Variants in CDH7 observed in about 807,000 individuals in gnomAD.
CDH7 encodes cadherin 7.
A neutral mutation model predicts 71.8 loss-of-function variants in CDH7; 25 were observed. The observed-to-expected ratio is 0.35, with a 90% CI of 0.25 to 0.49. The LOEUF is 0.49. Among genes scored for constraint, CDH7 ranks in the 20% least tolerant of loss-of-function variants. The pLI, the probability that CDH7 is intolerant of heterozygous loss-of-function variation, is 0.99. For synonymous variants in CDH7, 381 were observed against 363.8 expected, an observed-to-expected ratio of 1.05 and a Z score of -0.54; for missense variants, 862 against 974.6, an observed-to-expected ratio of 0.88 and a Z score of 1.54.
chr18:65,807,877 A>G (rs932020623), intron 2 of CDH7, among the ~76,000 whole-genome samples: 3 of 152,182 alleles, frequency 2.0e-5, no homozygotes, highest in Non-Finnish European at 4.4e-5. Context: ...GGTTGGTTGC[A>G]TAGTCCCTTC....
At chr18:65,780,855 A>C (rs370909998) in intron 2 of CDH7, among the ~76,000 whole-genome samples, 275 of 151,302 alleles carry the variant, frequency 1.8e-3, no homozygotes, top group African/African-American at 6.3e-3. Context: ...TGCCCACTGC[A>C]GAGATAGAAT....
At chr18:65,751,698 TA>T (rs1284553448) in intron 1 of CDH7, among the ~76,000 whole-genome samples, 1 of 152,168 alleles carries the variant, frequency 6.6e-6, no homozygotes, top group Non-Finnish European at 1.5e-5. Context: ...TTTTCCCCTG[TA>T]ATTAGTATTC....
At chr18:65,844,796 A>C (rs1360777250) in intron 7 of CDH7, among the ~76,000 whole-genome samples, 4 of 152,122 alleles carry the variant, frequency 2.6e-5, no homozygotes, top group Non-Finnish European at 5.9e-5. Flanking sequence ...CATTATAAAT[A>C]GAATATACTT....
chr18:65,874,374 A>T (rs1437871834), intron 11 of CDH7, among the ~76,000 whole-genome samples: 1 of 152,008 alleles, frequency 6.6e-6, no homozygotes, highest in Admixed American at 6.6e-5. Context: ...TAAATATGTT[A>T]AAAAAAATTA....
intron 2 of CDH7, among the ~76,000 whole-genome samples, chr18:65,800,255 A>G (rs763270710): frequency 2.6e-4 from 39 of 151,636 alleles, no homozygotes; most frequent in Non-Finnish European, 4.0e-4. Context: ...TATTTTTTGT[A>G]TTTTTAATAG....
chr18:65,880,707 C>T lies in CDH7; in HGVS notation c.2171C>T (p.Ala724Val), dbSNP rs1914201998. 1.2e-6 allele frequency: 2 copies of T among 1,614,020 alleles called. No homozygotes were observed. The highest frequency in any genetic ancestry group is 2.2e-5 in the East Asian group (1 of 44,866). ...AAAGAAGCCGATGTTGATCCTGGTG[C>T]TCCTCCTTATGACTCCCTGCAGACA... ...RLKEADVDPG[A>V]PPYDSLQTYA... The change falls in exon 12 of 12, where the codon GCT becomes GTT. Residue 724 changes from alanine (A) to valine (V), a missense_variant. Coordinates refer to ENST00000397968, the MANE Select transcript of CDH7 (RefSeq NM_004361.5).
rs970396089 is a variant in CDH7, at chr18:65,789,401, C to A, written c.211-20303C>A. Among the ~76,000 whole-genome samples, 5 of 151,840 alleles carry A rather than the reference C, an allele frequency of 3.3e-5. No homozygotes were observed. The South Asian group carries it at 6.2e-4, about 19-fold the overall frequency. Reference sequence around the variant, plus strand: ...TGATTCACATGGCCAAAGTATAGGACAAATAAAAACCAAGACAACCAGCAA... The same window carrying A: ...TGATTCACATGGCCAAAGTATAGGAAAAATAAAAACCAAGACAACCAGCAA... On this transcript the variant is annotated intron_variant, in intron 2 of 11. Transcript: ENST00000397968.
At chr18:65,851,379 T>C (rs1265897198) in intron 7 of CDH7, among the ~76,000 whole-genome samples, 1 of 152,202 alleles carries the variant, frequency 6.6e-6, no homozygotes, top group Non-Finnish European at 1.5e-5. Context: ...TTGTATTACA[T>C]TATCTTTTGC....
intron 2 of CDH7, among the ~76,000 whole-genome samples, chr18:65,797,089 G>A (rs965185135): frequency 6.6e-6 from 1 of 152,096 alleles, no homozygotes; most frequent in Non-Finnish European, 1.5e-5. Context: ...TCTCCAGGTG[G>A]TGTTAGTGGT....
At chr18:65,876,298 A>G (rs17785065) in intron 11 of CDH7, among the ~76,000 whole-genome samples, 3,552 of 152,318 alleles carry the variant, frequency 0.023, 53 homozygotes, top group Non-Finnish European at 0.036. Flanking sequence ...GGCCTGCATC[A>G]TACTTTTACT....
At chr18:65,847,031 C>CAT (rs1263270180) in intron 7 of CDH7, among the ~76,000 whole-genome samples, 5 of 151,926 alleles carry the variant, frequency 3.3e-5, no homozygotes, top group South Asian at 2.1e-4. Flanking sequence ...GTCTTGTACT[C>CAT]ACGCGTATTC....
Position 65,886,407 on chromosome 18 carries a change from ATACAGTTATT to A in CDH7, c.*5516_*5525del, listed in dbSNP as rs1308007855. 3 of 15,952 alleles carry A rather than the reference ATACAGTTATT, an allele frequency of 1.9e-4. No homozygotes were observed. The highest frequency in any genetic ancestry group is 2.0e-4 in the African/African-American group (3 of 14,988). The allele number at this position is 15,952 out of a possible 1,614,324, so 1.0% of individuals were successfully genotyped here. A position where few individuals can be genotyped will look rare whatever the true frequency, so the allele number is the denominator to read the frequency against. On this transcript the variant is annotated 3_prime_UTR_variant, in exon 12 of 12. Coordinates refer to ENST00000397968, the MANE Select transcript of CDH7 (RefSeq NM_004361.5). ...GTCATAATTAATTGAAGCCACTCAA[ATACAGTTATT>A]TATAAGATCTCAGAAGATTGCAGTT... is the stretch of plus-strand genomic sequence containing the variant.
chr18:65,869,234 T>G (rs1913854630), intron 11 of CDH7, among the ~76,000 whole-genome samples: 1 of 151,922 alleles, frequency 6.6e-6, no homozygotes, highest in Non-Finnish European at 1.5e-5. Flanking sequence ...CTTTTTTTTT[T>G]TCCTCCTGAA....
intron 7 of CDH7, among the ~76,000 whole-genome samples, chr18:65,854,835 C>G (rs1484927416): frequency 1.3e-5 from 2 of 151,564 alleles, no homozygotes; most frequent in Non-Finnish European, 2.9e-5. Context: ...TTTCCTATTG[C>G]CATTAGATAT....
intron 7 of CDH7, among the ~76,000 whole-genome samples, chr18:65,850,173 A>AAT (rs1555689070): frequency 8.9e-4 from 58 of 65,312 alleles, no homozygotes; most frequent in South Asian, 2.8e-3. Flanking sequence ...CACTATATAT[A>AAT]ATATATATAT....
intron 1 of CDH7, among the ~76,000 whole-genome samples, chr18:65,751,826 C>T (rs1311328948): frequency 6.6e-6 from 1 of 152,190 alleles, no homozygotes; most frequent in Non-Finnish European, 1.5e-5. Context: ...CATGGGTGCA[C>T]ATGGTACACT....
intron 2 of CDH7, among the ~76,000 whole-genome samples, chr18:65,784,475 A>C (rs1910440532): frequency 6.6e-6 from 1 of 152,074 alleles, no homozygotes; most frequent in South Asian, 2.1e-4. Flanking sequence ...AGAAAGGAGA[A>C]TCAGCTTCTC....
intron 6 of CDH7, among the ~76,000 whole-genome samples, chr18:65,834,966 G>A (rs1912482808): frequency 6.6e-6 from 1 of 152,082 alleles, no homozygotes; most frequent in African/African-American, 2.4e-5. Context: ...GATTTTGTGG[G>A]TCAGTAATTT....
At chr18:65,781,629 A>G (rs1035075658) in intron 2 of CDH7, among the ~76,000 whole-genome samples, 1 of 151,994 alleles carries the variant, frequency 6.6e-6, no homozygotes, top group East Asian at 1.9e-4. Context: ...TACCTTTTCC[A>G]CTTTTTTCAT....
Sources: gnomAD v4.1 joint callset for allele counts (sites outside exome capture counted in the v4.1 genomes callset) on GRCh38, gnomAD v4.1.1 for gene constraint, MANE v1.5 for transcripts, NCBI Gene and HGNC (gene_info 2026-07-23, HGNC 2026-07-21) for gene names.